Variants in SLC47A1 observed in about 807,000 individuals in gnomAD.
SLC47A1 encodes multidrug and toxin extrusion protein 1.
A neutral mutation model predicts 65.8 loss-of-function variants in SLC47A1; 58 were observed. The observed-to-expected ratio is 0.88, with a 90% CI of 0.71 to 1.10. SLC47A1 has a LOEUF of 1.10. Ranked by LOEUF, SLC47A1 falls within the 50% of genes least tolerant of loss-of-function variation. The pLI is 0.00. For synonymous variants in SLC47A1, 285 were observed against 295.0 expected (o/e 0.97, Z 0.35); for missense variants, 706 against 719.2 (o/e 0.98, Z 0.21).
chr17:19,568,145 CTG>C (rs996547749), intron 14 of SLC47A1: 1 of 152,148 alleles, frequency 6.6e-6, no homozygotes, highest in African/African-American at 2.4e-5. Context: ...TTTGATTCAT[CTG>C]TACTTGGCAG....
At position 19,546,417 on chromosome 17, in the gene SLC47A1, CT is replaced by C. The variant is rs1472744250; in HGVS notation, c.238-15del. 6.2e-7 allele frequency: 1 copy of C among 1,613,048 alleles called. No homozygotes were observed. On this transcript the variant is annotated splice_polypyrimidine_tract_variant and intron_variant, in intron 2 of 16. Transcript: ENST00000270570. Reference sequence around the variant, plus strand: ...CTCCTTTAACTCTATAGGGCCTTATCTTTGGGTTTATTTGCAGGTTATCAAT... The same window carrying C: ...CTCCTTTAACTCTATAGGGCCTTATCTTGGGTTTATTTGCAGGTTATCAAT...
At chr17:19,548,499 C>CT (rs11341022) in intron 4 of SLC47A1, among the ~76,000 whole-genome samples, 64 of 123,452 alleles carry the variant, frequency 5.2e-4, no homozygotes, top group Admixed American at 1.1e-3. Context: ...CAAGATTTTT[C>CT]TTTTTTTTTT....
Position 19,575,401 on chromosome 17 carries a change from C to CTT in SLC47A1, c.1487-1912_1487-1911dup, listed in dbSNP as rs1215041320. On this transcript the variant is annotated intron_variant, in intron 16 of 16. Transcript: ENST00000270570. Reference sequence around the variant, plus strand: ...TTAGGACATTTTCTTATTATTATTCCTTTTTTTTTTTTTTTGAGATAGGGT... The same window carrying CTT: ...TTAGGACATTTTCTTATTATTATTCCTTTTTTTTTTTTTTTTTGAGATAGGGT... 1.9e-3 allele frequency among the ~76,000 whole-genome samples: 254 copies of CTT among 137,166 alleles called. 4 individuals are homozygous for CTT. In the East Asian group the frequency reaches 0.032, roughly 17 times the overall value. The allele number at this position is 137,166 out of a possible 152,430, so 90.0% of individuals were successfully genotyped here.
chr17:19,556,271 A>G (rs1004903859), intron 10 of SLC47A1, among the ~76,000 whole-genome samples: 2 of 152,216 alleles, frequency 1.3e-5, no homozygotes, highest in African/African-American at 4.8e-5. Flanking sequence ...GAAACTGCAC[A>G]TGATCTGCTG....
intron 4 of SLC47A1, among the ~76,000 whole-genome samples, chr17:19,549,179 A>C (rs1051076606): frequency 2.8e-4 from 43 of 152,138 alleles, no homozygotes; most frequent in African/African-American, 9.6e-4. Flanking sequence ...TCTATATGTA[A>C]ATTTTCACAT....
At chr17:19,549,861 A>G (rs982842879) in intron 5 of SLC47A1, among the ~76,000 whole-genome samples, 184 bp downstream of exon 5, 1 of 152,290 alleles carries the variant, frequency 6.6e-6, no homozygotes, top group Admixed American at 6.5e-5. Flanking sequence ...ATCTCAAGGA[A>G]CACCAAGATT....
intron 2 of SLC47A1, among the ~76,000 whole-genome samples, chr17:19,543,308 C>T (rs1016491930): frequency 4.8e-4 from 73 of 151,956 alleles, no homozygotes; most frequent in African/African-American, 1.8e-3. Context: ...CGGGGTTTCA[C>T]CATGTTGGTC....
In SLC47A1 at chr17:19,567,139, T is replaced by G; in HGVS notation, c.1220T>G (p.Val407Gly). 1 of 1,614,096 alleles carries G rather than the reference T, an allele frequency of 6.2e-7. No homozygotes were observed. The highest frequency in any genetic ancestry group is 2.2e-5 in the East Asian group (1 of 44,874). The change falls in exon 14 of 17, where the codon GTT becomes GGT. Residue 407 changes from valine to glycine, a missense_variant. Physicochemically the swap from Val to Gly is moderately radical, Grantham distance 109 (BLOSUM62 -3). Coordinates refer to ENST00000270570, the MANE Select transcript of SLC47A1 (RefSeq NM_018242.3). ...GVLRGSGNQK[V>G]GAIVNTIGYY... Reference sequence around the variant, plus strand: ...CTGAGGGGGAGTGGAAATCAGAAGGTTGGAGCCATTGTGAATACCATTGGG... The same window carrying G: ...CTGAGGGGGAGTGGAAATCAGAAGGGTGGAGCCATTGTGAATACCATTGGG...
chr17:19,572,943 G>C, intron 16 of SLC47A1, 82 bp downstream of exon 16: 1 of 1,129,192 alleles, frequency 8.9e-7, no homozygotes, highest in Non-Finnish European at 1.3e-6. Flanking sequence ...AGCTAGATTT[G>C]CTGCTATGAG....
At chr17:19,559,979 C>T in intron 10 of SLC47A1, 1 of 540,420 alleles carries the variant, frequency 1.9e-6, no homozygotes, top group South Asian at 2.2e-5. Flanking sequence ...CAGCAAAGCC[C>T]AGTTTGTGCT....
At chr17:19,542,735 G>C (rs941400877) in intron 2 of SLC47A1, among the ~76,000 whole-genome samples, 1 of 151,632 alleles carries the variant, frequency 6.6e-6, no homozygotes, top group East Asian at 1.9e-4. Context: ...GGGGACATCT[G>C]GGGGGGCATT....
At chr17:19,575,802 C>T (rs948424937) in intron 16 of SLC47A1, among the ~76,000 whole-genome samples, 2 of 152,052 alleles carry the variant, frequency 1.3e-5, no homozygotes, top group African/African-American at 2.4e-5. Flanking sequence ...CCTTGCCCTC[C>T]GATGGTTCAC....
intron 10 of SLC47A1, among the ~76,000 whole-genome samples, chr17:19,559,192 G>GGTAA (rs2084287324): frequency 6.6e-6 from 1 of 152,190 alleles, no homozygotes; most frequent in African/African-American, 2.4e-5. Context: ...GTTTTGAGAG[G>GGTAA]GTAAGTAACT....
At chr17:19,562,698 G>A (rs2084322684) in intron 12 of SLC47A1, among the ~76,000 whole-genome samples, 1 of 152,100 alleles carries the variant, frequency 6.6e-6, no homozygotes, top group South Asian at 2.1e-4. Flanking sequence ...GTTTCAGAAG[G>A]AATATAGTAG....
chr17:19,554,662 C>T (rs573722534), intron 6 of SLC47A1, among the ~76,000 whole-genome samples: 2 of 152,242 alleles, frequency 1.3e-5, no homozygotes, highest in South Asian at 4.1e-4. Context: ...GTTTTACTTC[C>T]TTGGTCTGAT....
At chr17:19,561,956 T>C (rs1316394684) in intron 12 of SLC47A1, among the ~76,000 whole-genome samples, 1 of 152,244 alleles carries the variant, frequency 6.6e-6, no homozygotes, top group East Asian at 1.9e-4. Flanking sequence ...ACCAGTGAGC[T>C]GTCTCAAAAG....
chr17:19,551,117 C>T (rs1352950329), intron 5 of SLC47A1, among the ~76,000 whole-genome samples: 1 of 152,216 alleles, frequency 6.6e-6, no homozygotes, highest in East Asian at 1.9e-4. Context: ...TGGAGTGTGC[C>T]TGGGGCCTCC....
chr17:19,574,659 C>T (rs578169433), intron 16 of SLC47A1, among the ~76,000 whole-genome samples: 1 of 152,304 alleles, frequency 6.6e-6, no homozygotes, highest in South Asian at 2.1e-4. Flanking sequence ...GTTTTTGAGT[C>T]TCACTCTGTC....
At chr17:19,559,836 G>A (rs952359353) in intron 10 of SLC47A1, among the ~76,000 whole-genome samples, 16 of 151,660 alleles carry the variant, frequency 1.1e-4, no homozygotes, top group Admixed American at 6.6e-4. Context: ...CCTGACCTCT[G>A]TCCCTATTTA....
Sources: allele counts gnomAD v4.1 joint callset (sites outside exome capture counted in the v4.1 genomes callset), GRCh38; gene constraint gnomAD v4.1.1; transcripts MANE v1.5; gene names NCBI Gene and HGNC (gene_info 2026-07-23, HGNC 2026-07-21).